Variants in EAF2 observed in about 807,000 individuals in gnomAD.
The protein encoded by EAF2 is ELL-associated factor 2.
In EAF2, 29 loss-of-function variants were observed where a neutral mutation model predicts 29.4. The observed-to-expected ratio is 0.99, with a 90% CI of 0.73 to 1.35. The LOEUF (loss-of-function observed/expected upper bound fraction) is 1.35, where lower values mean the gene tolerates loss of function less well. Ranked by LOEUF, EAF2 falls within the 40% of genes most tolerant of loss-of-function variation. The pLI, the probability that EAF2 is intolerant of heterozygous loss-of-function variation, is 0.00. For missense variants in EAF2, 292 were observed against 312.0 expected (o/e 0.94, Z 0.48); for synonymous variants, 103 against 102.5 (o/e 1.00, Z -0.03).
chr3:121,864,415 C>A (rs1347691050), intron 4 of EAF2, among the ~76,000 whole-genome samples: 1 of 152,030 alleles, frequency 6.6e-6, no homozygotes, highest in East Asian at 1.9e-4. Context: ...ATGCCTGCTT[C>A]CAAATGGATT....
intron 1 of EAF2, among the ~76,000 whole-genome samples, chr3:121,837,975 A>G (rs1030359411): frequency 2.2e-4 from 33 of 152,168 alleles, no homozygotes; most frequent in Non-Finnish European, 1.5e-4. Context: ...TGTAAATGAC[A>G]CCACTTTTTT....
At chr3:121,853,296 C>T (rs1337227205) in intron 2 of EAF2, among the ~76,000 whole-genome samples, 1 of 152,170 alleles carries the variant, frequency 6.6e-6, no homozygotes, top group Non-Finnish European at 1.5e-5. Context: ...GTGTTTTTTA[C>T]AGACATTTGT....
chr3:121,868,348 C>A (rs1446809683), intron 4 of EAF2, among the ~76,000 whole-genome samples: 1 of 152,164 alleles, frequency 6.6e-6, no homozygotes, highest in Non-Finnish European at 1.5e-5. Context: ...CCTGCAATCC[C>A]AGCACTTTGG....
intron 2 of EAF2, among the ~76,000 whole-genome samples, chr3:121,851,169 GC>G (rs1299651818): frequency 1.3e-5 from 2 of 151,658 alleles, no homozygotes; most frequent in African/African-American, 4.9e-5. Context: ...AATAACATAT[GC>G]ACGCACTTAT....
At position 121,872,709 on chromosome 3, in the gene EAF2, G is replaced by GAC; in HGVS notation, c.661_662dup (p.Gln221HisfsTer8). 1 of 1,612,876 alleles carries GAC rather than the reference G, an allele frequency of 6.2e-7. No individual in the cohort carries two copies. The highest frequency in any genetic ancestry group is 2.2e-5 in the East Asian group (1 of 44,782). ...ATTGTGTCTCAGGACATCCTACCAT[G>GAC]ACACAGTACAGGATTCCTGATATAG... On this transcript the variant is annotated frameshift_variant, in exon 5 of 6. Transcript: ENST00000273668. LOFTEE classifies it high-confidence loss of function.
chr3:121,882,296 C>T (rs1709201866), intron 5 of EAF2, among the ~76,000 whole-genome samples: 1 of 150,684 alleles, frequency 6.6e-6, no homozygotes, highest in Non-Finnish European at 1.5e-5. Context: ...TTACAGTAAG[C>T]TGAGATCATG....
At chr3:121,846,395 T>C (rs1708529831) in intron 2 of EAF2, among the ~76,000 whole-genome samples, 1 of 152,224 alleles carries the variant, frequency 6.6e-6, no homozygotes, top group South Asian at 2.1e-4. Context: ...ATCTTTGTAT[T>C]ACTCTGTTAT....
chr3:121,873,162 G>A, intron 5 of EAF2: 1 of 608,074 alleles, frequency 1.6e-6, no homozygotes, highest in Non-Finnish European at 2.9e-6. Context: ...TAGGTAACTT[G>A]CAAATTTATA....
intron 2 of EAF2, among the ~76,000 whole-genome samples, chr3:121,854,179 G>A (rs970042894): frequency 3.3e-5 from 5 of 151,910 alleles, no homozygotes; most frequent in Non-Finnish European, 5.9e-5. Context: ...AGCTGGGCGT[G>A]GTTGTCCATG....
At chr3:121,865,220 G>A (rs995688529) in intron 4 of EAF2, among the ~76,000 whole-genome samples, 2 of 151,772 alleles carry the variant, frequency 1.3e-5, no homozygotes, top group Non-Finnish European at 2.9e-5. Context: ...AACAGCCTGA[G>A]CAACATGGTG....
chr3:121,837,691 G>T (rs1190080406), intron 1 of EAF2: 1 of 152,214 alleles, frequency 6.6e-6, no homozygotes, highest in Non-Finnish European at 1.5e-5. Context: ...ATATTCATAT[G>T]TGTACGAGGG....
intron 2 of EAF2, among the ~76,000 whole-genome samples, chr3:121,845,459 A>AAAAAAAAAAAAAAAAAAAAAAAAAG (rs71133578): frequency 5.2e-5 from 5 of 96,606 alleles, no homozygotes; most frequent in Admixed American, 1.3e-4. Flanking sequence ...AAAAAAAAAA[A>AAAAAAAAAAAAAAAAAAAAAAAAAG]AAAGAAAGAA....
At chr3:121,860,560 T>A (rs1475582565) in intron 4 of EAF2, among the ~76,000 whole-genome samples, 3 of 152,132 alleles carry the variant, frequency 2.0e-5, no homozygotes, top group Non-Finnish European at 4.4e-5. Context: ...TCTTCTCTCT[T>A]TTTTTCTTTA....
intron 4 of EAF2, among the ~76,000 whole-genome samples, chr3:121,865,274 A>G (rs1264475379): frequency 6.7e-6 from 1 of 149,206 alleles, no homozygotes; most frequent in Non-Finnish European, 1.5e-5. Context: ...AAAAGTTAAA[A>G]AAAAGAAAGT....
At chr3:121,875,574 T>C (rs774336044) in intron 5 of EAF2, among the ~76,000 whole-genome samples, 1 of 152,022 alleles carries the variant, frequency 6.6e-6, no homozygotes, top group Admixed American at 6.6e-5. Flanking sequence ...AAAAGTCTAA[T>C]GCTAAGAAAG....
chr3:121,847,826 A>C (rs1708555609), intron 2 of EAF2, among the ~76,000 whole-genome samples: 1 of 152,148 alleles, frequency 6.6e-6, no homozygotes, highest in Admixed American at 6.5e-5. Flanking sequence ...TCCTTTTATT[A>C]GTTTTTAGGA....
intron 4 of EAF2, among the ~76,000 whole-genome samples, chr3:121,871,682 G>A (rs572444905): frequency 2.0e-5 from 3 of 152,072 alleles, no homozygotes; most frequent in African/African-American, 4.8e-5. Context: ...ATGTAGCAGT[G>A]TACTAAGATG....
intron 5 of EAF2, among the ~76,000 whole-genome samples, chr3:121,873,999 T>C (rs538580511): frequency 2.6e-4 from 40 of 151,924 alleles, no homozygotes; most frequent in Middle Eastern, 6.8e-3. Flanking sequence ...TTCTCTAGAG[T>C]ATAATGTTCC....
At chr3:121,868,765 A>G (rs1471179883) in intron 4 of EAF2, among the ~76,000 whole-genome samples, 4 of 152,226 alleles carry the variant, frequency 2.6e-5, no homozygotes, top group South Asian at 2.1e-4. Flanking sequence ...CAAATCCACA[A>G]TTATGCCTGG....
Sources: allele counts gnomAD v4.1 joint callset (sites outside exome capture counted in the v4.1 genomes callset), GRCh38; gene constraint gnomAD v4.1.1; transcripts MANE v1.5; gene names NCBI Gene and HGNC (gene_info 2026-07-23, HGNC 2026-07-21).